Variants in PPP2R1A observed in about 807,000 individuals in gnomAD.
PPP2R1A encodes protein phosphatase 2 scaffold subunit Aalpha, also known as serine/threonine-protein phosphatase 2A 65 kDa regulatory subunit A alpha isoform.
In PPP2R1A, 15 loss-of-function variants were observed where a neutral mutation model predicts 67.1. That is an observed-to-expected ratio of 0.22 (90% CI 0.15 to 0.34). The LOEUF (loss-of-function observed/expected upper bound fraction) is 0.34. Ranked by LOEUF, PPP2R1A falls within the 10% of genes least tolerant of loss-of-function variation. The probability of loss-of-function intolerance (pLI) is 1.00; values close to 1 mark genes in which losing one functional copy is unlikely to be tolerated. For synonymous variants in PPP2R1A, 337 were observed against 325.0 expected (o/e 1.04, Z -0.40); for missense variants, 369 against 775.0 (o/e 0.48, Z 6.22).
chr19:52,223,795 C>T (rs7259175), intron 13 of PPP2R1A, among the ~76,000 whole-genome samples: 23,658 of 152,034 alleles, frequency 0.16, 2,310 homozygotes, highest in African/African-American at 0.28. Context: ...ACTCTGAAAA[C>T]GGGAGTGGAT....
chr19:52,218,535 T>C (rs962859787), intron 9 of PPP2R1A, among the ~76,000 whole-genome samples: 4 of 152,248 alleles, frequency 2.6e-5, no homozygotes, highest in African/African-American at 9.6e-5. Flanking sequence ...TTCATTAGTG[T>C]TCATGACAAA....
rs1055228063 is a variant in PPP2R1A at position 52,206,863 on chromosome 19, C to T, written c.270+800C>T. 2.0e-5 allele frequency among the ~76,000 whole-genome samples: 3 copies of T among 152,096 alleles called. No individual in the cohort carries two copies. In the South Asian group the frequency reaches 6.2e-4, roughly 31 times the overall value. On this transcript the variant is annotated intron_variant, in intron 3 of 14. Transcript: ENST00000322088. Reference sequence around the variant, plus strand: ...TGGGCCACTGCTGCTGCCTCTGCCTCTGCCCCACTCCCCCAGTGATTGTGT... The same window carrying T: ...TGGGCCACTGCTGCTGCCTCTGCCTTTGCCCCACTCCCCCAGTGATTGTGT...
At chr19:52,190,378 A>C (rs1196799666) in intron 1 of PPP2R1A, 7 of 641,320 alleles carry the variant, frequency 1.1e-5, no homozygotes, top group Non-Finnish European at 1.6e-5. Flanking sequence ...GGCGGGGGCC[A>C]GCGCTAGCCT....
At chr19:52,225,589 C>T in intron 13 of PPP2R1A, 128 bp from the exon 14 acceptor site, 2 of 742,714 alleles carry the variant, frequency 2.7e-6, no homozygotes, top group Non-Finnish European at 4.6e-6. Flanking sequence ...ATTCTTGAGA[C>T]TCCTCCCACC....
intron 1 of PPP2R1A, among the ~76,000 whole-genome samples, chr19:52,194,905 G>A (rs939982047): frequency 3.3e-5 from 5 of 152,158 alleles, no homozygotes; most frequent in African/African-American, 1.2e-4. Flanking sequence ...GACCAAGTCA[G>A]CAAGTGCTAA....
At chr19:52,207,745 CAGA>C (rs553525335) in intron 3 of PPP2R1A, among the ~76,000 whole-genome samples, 41 of 152,182 alleles carry the variant, frequency 2.7e-4, no homozygotes, top group Non-Finnish European at 5.4e-4. Flanking sequence ...GAGGCACAGG[CAGA>C]TTTAAGTGAA....
rs750967024 is a variant in PPP2R1A at position 52,226,478 on chromosome 19, C to G, written c.*497C>G. 66 of 242,808 alleles carry G rather than the reference C, an allele frequency of 2.7e-4. No homozygotes were observed. The Middle Eastern group carries it at 6.3e-3, about 23-fold the overall frequency. The allele number at this position is 242,808 out of a possible 1,614,324, so 15.0% of individuals were successfully genotyped here. A position where few individuals can be genotyped will look rare whatever the true frequency, so the allele number is the denominator to read the frequency against. ...AGGGGGCACCACCCCAGAGCCACAACATCTGCGCTTTTCTCTGGAGAAGAT... is the reference window on the plus strand; with the variant it reads ...AGGGGGCACCACCCCAGAGCCACAAGATCTGCGCTTTTCTCTGGAGAAGAT... On this transcript the variant is annotated 3_prime_UTR_variant, in exon 15 of 15. Coordinates refer to ENST00000322088, the MANE Select transcript of PPP2R1A (RefSeq NM_014225.6).
intron 7 of PPP2R1A, 34 bp from the exon 8 acceptor site, chr19:52,215,970 T>C: frequency 6.2e-7 from 1 of 1,610,640 alleles, no homozygotes; most frequent in Non-Finnish European, 8.5e-7. Flanking sequence ...ACATCAGGTC[T>C]CACTTCCCTT....
At position 52,211,367 on chromosome 19, in the gene PPP2R1A, G is replaced by T. The variant is rs199586303; in HGVS notation, c.378G>T (p.Ala126=). 2 of 1,614,164 alleles carry T rather than the reference G, an allele frequency of 1.2e-6. No individual in the cohort carries two copies. The highest frequency in any genetic ancestry group is 1.7e-6 in the Non-Finnish European group (2 of 1,180,018). Residue 126 remains alanine, a synonymous_variant, in exon 4 of 15, where the codon GCG becomes GCT. Transcript: ENST00000322088. This position sits in a 1 kb window ranked among gnomAD's most constrained non-coding sequence, Gnocchi z 5.3. The stretch of plus-strand genomic sequence containing the variant: ...AGCACTCGCCCTCTGACCTGGAGGC[G>T]CACTTTGTGCCGCTAGTGAAGCGGC... The part of the protein sequence containing the change: ...SHEHSPSDLE[A]HFVPLVKRLA...
chr19:52,211,604 C>A lies in PPP2R1A; in HGVS notation c.503+112C>A. The A allele has an allele frequency of 9.4e-7, 1 of 1,062,640 alleles. No homozygotes were observed. Among genetic ancestry groups the A allele is most frequent in the Non-Finnish European group, 1.3e-6 (1 of 743,012 alleles). 65.8% of individuals were successfully genotyped at this position (1,062,640 alleles called of 1,614,324 possible). On this transcript the variant is annotated intron_variant, in intron 4 of 14. Coordinates refer to ENST00000322088, the MANE Select transcript of PPP2R1A (RefSeq NM_014225.6). The surrounding 1 kb of genome is among the most constrained non-coding windows in gnomAD (Gnocchi z 5.3). The stretch of plus-strand genomic sequence containing the variant: ...GGCCCAAATGCCCCTGAACTCTCTC[C>A]ACTCCCACTCCTGCTTACCACCTGA...
At chr19:52,208,615 T>C (rs1476660233) in intron 3 of PPP2R1A, among the ~76,000 whole-genome samples, 1 of 152,202 alleles carries the variant, frequency 6.6e-6, no homozygotes, top group Non-Finnish European at 1.5e-5. Flanking sequence ...TTCTCAAGCC[T>C]CAGCCTCCCA....
chr19:52,199,686 A>C (rs1027626586), intron 1 of PPP2R1A, among the ~76,000 whole-genome samples: 1 of 152,190 alleles, frequency 6.6e-6, no homozygotes, highest in African/African-American at 2.4e-5. Context: ...TAGGTTTGCA[A>C]AGCTGAAAAT....
In PPP2R1A at chr19:52,211,153, G is replaced by A. The variant is rs906815476; in HGVS notation, c.271-107G>A. ...TAATGAAGGTCGGGATGGGTAATAGGGAAGTTTTCTCTGAGGAGATGAGCC... is the reference window on the plus strand; with the variant it reads ...TAATGAAGGTCGGGATGGGTAATAGAGAAGTTTTCTCTGAGGAGATGAGCC... On this transcript the variant is annotated intron_variant, in intron 3 of 14. Transcript: ENST00000322088. The surrounding 1 kb of genome is among the most constrained non-coding windows in gnomAD (Gnocchi z 5.3). 3 of 1,024,924 alleles carry A rather than the reference G, an allele frequency of 2.9e-6. No individual in the cohort carries two copies. Among genetic ancestry groups the A allele is most frequent in the Admixed American group, 5.0e-5 (2 of 39,786 alleles). The allele number at this position is 1,024,924 out of a possible 1,614,324, so 63.5% of individuals were successfully genotyped here.
In PPP2R1A at chr19:52,212,622, GTC is replaced by G; in HGVS notation, c.504-62_504-61del. On this transcript the variant is annotated intron_variant, in intron 4 of 14. Transcript: ENST00000322088. The surrounding 1 kb of genome is among the most constrained non-coding windows in gnomAD (Gnocchi z 4.1). ...AAACCTGGACCCACACAACTGCAGA[GTC>G]TGTGCTTGCTCCTCTCTGCCATACT... 1 of 1,579,924 alleles carries G rather than the reference GTC, an allele frequency of 6.3e-7. No homozygotes were observed. Among genetic ancestry groups the G allele is most frequent in the South Asian group, 1.1e-5 (1 of 89,238 alleles).
chr19:52,213,467 T>TTTTTTG lies in PPP2R1A; in HGVS notation c.807+362_807+363insGTTTTT, dbSNP rs1555791318. Among the ~76,000 whole-genome samples the TTTTTTG allele has an allele frequency of 1.8e-5, 2 of 111,370 alleles. No individual in the cohort carries two copies. Among genetic ancestry groups the TTTTTTG allele is most frequent in the East Asian group, 4.7e-4 (2 of 4,266 alleles). 73.1% of individuals were successfully genotyped at this position (111,370 alleles called of 152,430 possible). The stretch of plus-strand genomic sequence containing the variant: ...GTGGGGTTTTTTGGTGTTTTTTTTT[T>TTTTTTG]TTTTTTTTTTTTTTTTTTTTAAGAT... On this transcript the variant is annotated intron_variant, in intron 6 of 14. Coordinates refer to ENST00000322088, the MANE Select transcript of PPP2R1A (RefSeq NM_014225.6). This position sits in a 1 kb window ranked among gnomAD's most constrained non-coding sequence, Gnocchi z 4.2.
chr19:52,219,843 G>A lies in PPP2R1A; in HGVS notation c.1281G>A (p.Met427Ile). ...WRVRLAIIEY[M>I]PLLAGQLGVE... Reference sequence around the variant, plus strand: ...TGCGGCTGGCCATCATTGAGTACATGCCCCTCCTGGCTGGACAGCTGGTGA... The same window carrying A: ...TGCGGCTGGCCATCATTGAGTACATACCCCTCCTGGCTGGACAGCTGGTGA... The change falls in exon 10 of 15, where the codon ATG (methionine) becomes ATA (isoleucine). Residue 427 changes from methionine (M) to isoleucine (I), a missense_variant. Transcript: ENST00000322088. This position sits in a 1 kb window ranked among gnomAD's most constrained non-coding sequence, Gnocchi z 4.0. 6.2e-7 allele frequency: 1 copy of A among 1,611,784 alleles called. No individual in the cohort carries two copies. The highest frequency in any genetic ancestry group is 8.5e-7 in the Non-Finnish European group (1 of 1,179,724).
rs373023561 is a variant in PPP2R1A, at chr19:52,219,664, C to T, written c.1129-27C>T. ...TGGGTTGCTGTGTGCATTGCATTCT[C>T]TCAGAATCCTTCTTTCCTCTCCTCA... On this transcript the variant is annotated intron_variant, in intron 9 of 14. Coordinates refer to ENST00000322088, the MANE Select transcript of PPP2R1A (RefSeq NM_014225.6). This position sits in a 1 kb window ranked among gnomAD's most constrained non-coding sequence, Gnocchi z 4.0. 8 of 1,592,784 alleles carry T rather than the reference C, an allele frequency of 5.0e-6. No homozygotes were observed. The African/African-American group carries it at 9.4e-5, about 19-fold the overall frequency.
At position 52,216,950 on chromosome 19, in the gene PPP2R1A, G is replaced by A. The variant is rs1978610908; in HGVS notation, c.1128+287G>A. Among the ~76,000 whole-genome samples the A allele has an allele frequency of 6.6e-6, 1 of 152,182 alleles. No homozygotes were observed. ...CACGCCTGTAATCCCAGCACTTTGGGAGGCTGAGGCGGGTGGATCACCTGA... is the reference window on the plus strand; with the variant it reads ...CACGCCTGTAATCCCAGCACTTTGGAAGGCTGAGGCGGGTGGATCACCTGA... On this transcript the variant is annotated intron_variant, in intron 9 of 14. Transcript: ENST00000322088. This position sits in a 1 kb window ranked among gnomAD's most constrained non-coding sequence, Gnocchi z 4.3.
At chr19:52,214,874 G>A (rs1978471079) in intron 6 of PPP2R1A, among the ~76,000 whole-genome samples, 1 of 151,922 alleles carries the variant, frequency 6.6e-6, no homozygotes, top group South Asian at 2.1e-4. Flanking sequence ...TTACAGGTGT[G>A]CACCACCACA....
Sources: allele counts gnomAD v4.1 joint callset (sites outside exome capture counted in the v4.1 genomes callset), GRCh38; gene constraint gnomAD v4.1.1; non-coding constraint Gnocchi (gnomAD v3.1); transcripts MANE v1.5; gene names NCBI Gene and HGNC (gene_info 2026-07-23, HGNC 2026-07-21).